The following GSE1 variants were observed in gnomAD, a reference collection of about 807,000 sequenced individuals.
GSE1 encodes the protein Gse1 coiled-coil protein.
GSE1 carries 32 observed loss-of-function variants against 112.6 expected under a neutral mutation model. The ratio of observed to expected loss-of-function variants is 0.28; its 90% CI spans 0.21 to 0.38. The LOEUF (loss-of-function observed/expected upper bound fraction) is 0.38, where lower values mean the gene tolerates loss of function less well. Ranked by LOEUF, GSE1 falls within the 10% of genes least tolerant of loss-of-function variation. GSE1 has a pLI of 1.00. For missense variants in GSE1, 2,348 were observed against 1,699.2 expected (o/e 1.38, Z -6.71); for synonymous variants, 1,115 against 735.6 (o/e 1.52, Z -8.35).
chr16:85,641,471 C>T (rs548877440), intron 2 of GSE1, among the ~76,000 whole-genome samples: 2 of 147,334 alleles, frequency 1.4e-5, no homozygotes, highest in African/African-American at 2.5e-5. Context: ...CGTTGGTGGA[C>T]GCAGGCCGCG....
At chr16:85,542,525 T>C (rs1003822573) in intron 2 of GSE1, among the ~76,000 whole-genome samples, 2 of 152,212 alleles carry the variant, frequency 1.3e-5, no homozygotes, top group African/African-American at 4.8e-5. Flanking sequence ...GCAGCAAGCC[T>C]ACCTCCCAAT....
At chr16:85,427,534 C>T (rs1283653420) in intron 2 of GSE1, among the ~76,000 whole-genome samples, 2 of 152,132 alleles carry the variant, frequency 1.3e-5, no homozygotes, top group African/African-American at 4.8e-5. Flanking sequence ...CCCAGCTACT[C>T]GGGAGCCTGA....
At chr16:85,633,265 G>C (rs573853449) in intron 1 of GSE1, among the ~76,000 whole-genome samples, 514 of 152,340 alleles carry the variant, frequency 3.4e-3, no homozygotes, top group Non-Finnish European at 3.7e-3. Flanking sequence ...CCATCTCTGG[G>C]ACCCCTCTCA....
intron 2 of GSE1, among the ~76,000 whole-genome samples, chr16:85,432,935 T>C (rs2151763464): frequency 6.6e-6 from 1 of 152,218 alleles, no homozygotes; most frequent in African/African-American, 2.4e-5. Context: ...GGGTGGCAGA[T>C]AGGGACTGAT....
At position 85,561,671 on chromosome 16, in the gene GSE1, C is replaced by T. The variant is rs117769881; in HGVS notation, c.37+5308C>T. ...ACTCGGGGTCCCCCTGGAACATTTC[C>T]CCGGCCCCAGCTGCCCCCGGAGGCC... is the stretch of plus-strand genomic sequence containing the variant. On this transcript the variant is annotated intron_variant, in intron 1 of 2. Coordinates refer to the GSE1 transcript ENST00000635906. Among the ~76,000 whole-genome samples the T allele has an allele frequency of 2.9e-3, 448 of 152,368 alleles. 3 individuals are homozygous for T. The highest frequency in any genetic ancestry group is 4.7e-3 in the Non-Finnish European group (319 of 68,032).
At chr16:85,331,038 C>A (rs1274951517) in intron 1 of GSE1, among the ~76,000 whole-genome samples, 2 of 152,142 alleles carry the variant, frequency 1.3e-5, no homozygotes, top group Non-Finnish European at 2.9e-5. Flanking sequence ...TTGCTTTAGG[C>A]TGGGCACCTA....
At chr16:85,572,072 C>A (rs887682534) in intron 1 of GSE1, among the ~76,000 whole-genome samples, 6 of 150,544 alleles carry the variant, frequency 4.0e-5, no homozygotes. Flanking sequence ...ATACACACAA[C>A]CACACCCCCC....
intron 1 of GSE1, among the ~76,000 whole-genome samples, chr16:85,174,902 C>G (rs546608753): frequency 6.6e-6 from 1 of 152,266 alleles, no homozygotes; most frequent in South Asian, 2.1e-4. Flanking sequence ...TTGATCCTCA[C>G]GTGCATCTTC....
At chr16:85,580,868 A>G (rs1399788932) in intron 1 of GSE1, among the ~76,000 whole-genome samples, 1 of 152,234 alleles carries the variant, frequency 6.6e-6, no homozygotes, top group African/African-American at 2.4e-5. Flanking sequence ...CCTCCACGGA[A>G]ATCAACCCTG....
At chr16:85,552,328 CTTTTTT>C (rs1195413161), upstream of GSE1, among the ~76,000 whole-genome samples, 1 of 47,746 alleles carries the variant, frequency 2.1e-5, no homozygotes, top group Non-Finnish European at 4.6e-5. Context: ...CCCGCCCCTC[CTTTTTT>C]TTTTTTTTTT....
chr16:85,589,785 G>A (rs2046895641), intron 1 of GSE1, among the ~76,000 whole-genome samples: 1 of 152,158 alleles, frequency 6.6e-6, no homozygotes, highest in African/African-American at 2.4e-5. Flanking sequence ...GAATGTATGT[G>A]TGAATATGTG....
chr16:85,280,046 G>T (rs144947866), intron 1 of GSE1, among the ~76,000 whole-genome samples: 9 of 152,308 alleles, frequency 5.9e-5, no homozygotes, highest in Non-Finnish European at 8.8e-5. Flanking sequence ...TCACCCAAAG[G>T]TTGCTGAGGG....
intron 1 of GSE1, among the ~76,000 whole-genome samples, chr16:85,248,335 C>A (rs1285412150): frequency 1.3e-5 from 2 of 152,140 alleles, no homozygotes; most frequent in African/African-American, 2.4e-5. Flanking sequence ...TCCTGTGCTG[C>A]CATCCTCAGT....
chr16:85,637,170 A>G (rs2050072007), intron 2 of GSE1, among the ~76,000 whole-genome samples: 1 of 152,190 alleles, frequency 6.6e-6, no homozygotes, highest in Admixed American at 6.5e-5. Flanking sequence ...ATTTGCCGTC[A>G]GCTCCCACGC....
intron 2 of GSE1, among the ~76,000 whole-genome samples, chr16:85,464,079 C>T (rs892790079): frequency 4.6e-5 from 7 of 152,104 alleles, no homozygotes; most frequent in South Asian, 2.1e-4. Context: ...AGCGGGGGGA[C>T]GACGCCATCC....
chr16:85,389,029 A>G (rs2047771191), intron 2 of GSE1, among the ~76,000 whole-genome samples: 1 of 152,218 alleles, frequency 6.6e-6, no homozygotes, highest in African/African-American at 2.4e-5. Context: ...TCTCTGAACC[A>G]TGGAATGGCC....
intron 3 of GSE1, among the ~76,000 whole-genome samples, chr16:85,653,702 C>A (rs1274464615): frequency 6.6e-6 from 1 of 152,040 alleles, no homozygotes; most frequent in Non-Finnish European, 1.5e-5. Context: ...CCAGGGCCAC[C>A]CCAGGAGGTG....
At chr16:85,607,975 G>A (rs2047784256), upstream of GSE1, among the ~76,000 whole-genome samples, 1 of 152,132 alleles carries the variant, frequency 6.6e-6, no homozygotes, top group Non-Finnish European at 1.5e-5. Flanking sequence ...TAAGGGGAGG[G>A]GCCTGGGGAT....
chr16:85,392,628 T>G (rs2047868580), intron 2 of GSE1, among the ~76,000 whole-genome samples: 1 of 152,258 alleles, frequency 6.6e-6, no homozygotes, highest in Admixed American at 6.5e-5. Flanking sequence ...ATCTGAAATT[T>G]AAGTTTCACT....
Sources: allele counts gnomAD v4.1 joint callset (sites outside exome capture counted in the v4.1 genomes callset), GRCh38; gene constraint gnomAD v4.1.1; transcripts MANE v1.5; gene names NCBI Gene and HGNC (gene_info 2026-07-23, HGNC 2026-07-21).